Variants in CERS6 observed in about 807,000 individuals in gnomAD.
CERS6 encodes the protein ceramide synthase 6, also known as LAG1 homolog, ceramide synthase 6.
In CERS6, 26 loss-of-function variants were observed where a neutral mutation model predicts 56.8. That is an observed-to-expected ratio of 0.46 (90% CI 0.34 to 0.63). The LOEUF (loss-of-function observed/expected upper bound fraction) is 0.63, where lower values mean the gene tolerates loss of function less well. Among genes scored for constraint, CERS6 ranks in the 30% least tolerant of loss-of-function variants. The pLI is 0.01. For synonymous variants in CERS6, 164 were observed against 173.3 expected (o/e 0.95, Z 0.42); for missense variants, 415 against 467.5 (o/e 0.89, Z 1.04).
intron 3 of CERS6, among the ~76,000 whole-genome samples, chr2:168,605,732 A>C (rs778476572): frequency 2.6e-5 from 4 of 152,154 alleles, no homozygotes; most frequent in Non-Finnish European, 5.9e-5. Flanking sequence ...GTACAGCTTG[A>C]GATGTTGCTT....
At chr2:168,588,928 C>A (rs1255168972) in intron 3 of CERS6, among the ~76,000 whole-genome samples, 1 of 152,132 alleles carries the variant, frequency 6.6e-6, no homozygotes, top group East Asian at 1.9e-4. Context: ...TTAGTAGAGA[C>A]AGGGTTTTGC....
At chr2:168,736,779 T>C (rs1683728059) in intron 8 of CERS6, among the ~76,000 whole-genome samples, 1 of 152,266 alleles carries the variant, frequency 6.6e-6, no homozygotes, top group African/African-American at 2.4e-5. Context: ...GGTTTTCAGA[T>C]GGAGCTGATG....
At chr2:168,694,525 T>C (rs893670469) in intron 5 of CERS6, among the ~76,000 whole-genome samples, 2 of 152,218 alleles carry the variant, frequency 1.3e-5, no homozygotes, top group African/African-American at 4.8e-5. Context: ...AATGCAGAAC[T>C]TAAATCTATG....
chr2:168,677,377 C>T (rs2105346516), intron 4 of CERS6, among the ~76,000 whole-genome samples: 1 of 152,248 alleles, frequency 6.6e-6, no homozygotes, highest in Admixed American at 6.5e-5. Context: ...CATAGTATTC[C>T]ATGGTCTATA....
At chr2:168,523,655 A>C (rs1005830609) in intron 1 of CERS6, among the ~76,000 whole-genome samples, 3 of 152,054 alleles carry the variant, frequency 2.0e-5, no homozygotes, top group African/African-American at 7.2e-5. Flanking sequence ...GAATAACTAC[A>C]GTGTCAAGCA....
intron 3 of CERS6, among the ~76,000 whole-genome samples, 160 bp from the exon 4 acceptor site, chr2:168,630,825 T>C (rs1684697975): frequency 1.3e-5 from 2 of 152,174 alleles, no homozygotes; most frequent in South Asian, 4.1e-4. Flanking sequence ...TACCAGTGTA[T>C]GGCTTCAGCT....
At chr2:168,710,788 C>T (rs927734341) in intron 6 of CERS6, among the ~76,000 whole-genome samples, 2 of 152,160 alleles carry the variant, frequency 1.3e-5, no homozygotes, top group African/African-American at 4.8e-5. Flanking sequence ...GTAAGTTGCA[C>T]CTGTACATAA....
At chr2:168,659,870 C>T (rs1685583860) in intron 4 of CERS6, among the ~76,000 whole-genome samples, 1 of 152,084 alleles carries the variant, frequency 6.6e-6, no homozygotes, top group African/African-American at 2.4e-5. Flanking sequence ...AAATTAATGC[C>T]ATTTTCTTTG....
intron 1 of CERS6, among the ~76,000 whole-genome samples, chr2:168,483,107 G>A: frequency 6.6e-6 from 1 of 152,132 alleles, no homozygotes; most frequent in East Asian, 1.9e-4. Context: ...AAAGATTATG[G>A]TTAACATTTA....
At chr2:168,535,669 GT>G (rs59139047) in intron 1 of CERS6, among the ~76,000 whole-genome samples, 22,861 of 115,318 alleles carry the variant, frequency 0.2, 2,008 homozygotes, top group Non-Finnish European at 0.23. Flanking sequence ...TTTGATACCA[GT>G]TTTTTTTTTT....
intron 1 of CERS6, among the ~76,000 whole-genome samples, chr2:168,482,666 G>A (rs16855376): frequency 0.044 from 6,657 of 152,296 alleles, 280 homozygotes; most frequent in African/African-American, 0.11. Context: ...ACAACTGGGG[G>A]ACTCACATTA....
intron 1 of CERS6, among the ~76,000 whole-genome samples, chr2:168,526,496 T>A (rs1695074381): frequency 6.6e-6 from 1 of 152,240 alleles, no homozygotes; most frequent in Admixed American, 6.5e-5. Flanking sequence ...AAACCAGCAT[T>A]TGCCTGTATA....
chr2:168,691,148 G>C (rs1686491621), intron 5 of CERS6, 64 bp downstream of exon 5: 2 of 1,499,864 alleles, frequency 1.3e-6, no homozygotes, highest in Non-Finnish European at 1.9e-6. Flanking sequence ...TCAATTTCAT[G>C]GTCTCAGGCA....
intron 4 of CERS6, among the ~76,000 whole-genome samples, chr2:168,648,850 C>T (rs1364279859): frequency 6.6e-6 from 1 of 152,012 alleles, no homozygotes; most frequent in Non-Finnish European, 1.5e-5. Flanking sequence ...GTGGTCCGAG[C>T]TTATGTTTGG....
chr2:168,517,272 AC>A (rs888491265), intron 1 of CERS6, among the ~76,000 whole-genome samples: 1 of 151,778 alleles, frequency 6.6e-6, no homozygotes, highest in African/African-American at 2.4e-5. Context: ...TGGGTGGATC[AC>A]CTGAAGTCAG....
At chr2:168,656,113 C>G (rs1371653099) in intron 4 of CERS6, among the ~76,000 whole-genome samples, 1 of 152,098 alleles carries the variant, frequency 6.6e-6, no homozygotes, top group Non-Finnish European at 1.5e-5. Context: ...TAAATAGGTC[C>G]TAGAGGGTTA....
intron 5 of CERS6, among the ~76,000 whole-genome samples, chr2:168,692,656 T>C (rs1184431478): frequency 6.6e-6 from 1 of 152,140 alleles, no homozygotes; most frequent in Non-Finnish European, 1.5e-5. Flanking sequence ...TGATTCAGCA[T>C]ATAGCCCCCA....
chr2:168,552,939 T>C (rs926280310), intron 2 of CERS6, among the ~76,000 whole-genome samples: 10 of 152,126 alleles, frequency 6.6e-5, no homozygotes, highest in African/African-American at 2.2e-4. Flanking sequence ...AAAACTGTGA[T>C]TAAATATTTT....
intron 1 of CERS6, among the ~76,000 whole-genome samples, chr2:168,463,935 T>A (rs1272580502): frequency 6.6e-6 from 1 of 152,262 alleles, no homozygotes; most frequent in East Asian, 1.9e-4. Context: ...TTGCTTTGAA[T>A]TGAAAGAAAT....
Sources: allele counts gnomAD v4.1 joint callset (sites outside exome capture counted in the v4.1 genomes callset), GRCh38; gene constraint gnomAD v4.1.1; transcripts MANE v1.5; gene names NCBI Gene and HGNC (gene_info 2026-07-23, HGNC 2026-07-21).